The following ZNF407 variants were observed in gnomAD, a reference collection of about 807,000 sequenced individuals.
ZNF407 encodes the protein zinc finger protein 407.
ZNF407 carries 17 observed loss-of-function variants against 131.2 expected under a neutral mutation model. The observed-to-expected ratio is 0.13, with a 90% CI of 0.09 to 0.19. The LOEUF is 0.19. Ranked by LOEUF, ZNF407 falls within the 10% of genes least tolerant of loss-of-function variation. The pLI, the probability that ZNF407 is intolerant of heterozygous loss-of-function variation, is 1.00. For missense variants in ZNF407, 2,681 were observed against 2,830.6 expected, an observed-to-expected ratio of 0.95 and a Z score of 1.20; for synonymous variants, 1,156 against 1,062.0, an observed-to-expected ratio of 1.09 and a Z score of -1.72.
At chr18:75,031,922 G>T (rs1973244765) in intron 8 of ZNF407, among the ~76,000 whole-genome samples, 1 of 152,192 alleles carries the variant, frequency 6.6e-6, no homozygotes, top group Admixed American at 6.5e-5. Flanking sequence ...TTTAGCAGCT[G>T]ATCCAGGAAA....
intron 8 of ZNF407, among the ~76,000 whole-genome samples, chr18:75,036,650 A>G (rs1311473212): frequency 2.6e-5 from 4 of 152,254 alleles, no homozygotes; most frequent in South Asian, 2.1e-4. Context: ...TAGGCATGCA[A>G]TGTACAAAAA....
Position 75,064,204 on chromosome 18 carries a change from C to T in ZNF407, c.6483C>T (p.Gly2161=), listed in dbSNP as rs200244471. 1.8e-4 allele frequency: 287 copies of T among 1,604,468 alleles called. 1 individual carries two copies. In the African/African-American group the frequency reaches 2.0e-3, roughly 11 times the overall value. The change falls in exon 9 of 9, where the codon GGC becomes GGT. Residue 2161 remains glycine, a synonymous_variant. Coordinates refer to ENST00000299687, the MANE Select transcript of ZNF407 (RefSeq NM_017757.3). ...LVQAMVQESS[G]GFSEGTTHYI... Reference sequence around the variant, plus strand: ...AGGCCATGGTGCAGGAGTCCAGTGGCGGCTTCTCCGAGGGCACCACGCACT... The same window carrying T: ...AGGCCATGGTGCAGGAGTCCAGTGGTGGCTTCTCCGAGGGCACCACGCACT...
chr18:74,952,010 T>C (rs1254307909), intron 8 of ZNF407, among the ~76,000 whole-genome samples: 1 of 152,186 alleles, frequency 6.6e-6, no homozygotes, highest in Non-Finnish European at 1.5e-5. Context: ...CACAGCTCTA[T>C]GAAGTATTGC....
chr18:74,958,542 C>T (rs139160169), intron 8 of ZNF407, among the ~76,000 whole-genome samples: 218 of 150,760 alleles, frequency 1.4e-3, no homozygotes, highest in African/African-American at 5.3e-3. Context: ...TTGGCCATGA[C>T]GAGGAGCTGG....
intron 3 of ZNF407, among the ~76,000 whole-genome samples, chr18:74,761,486 G>A (rs957975581): frequency 6.6e-6 from 1 of 152,044 alleles, no homozygotes; most frequent in African/African-American, 2.4e-5. Flanking sequence ...GATATTACAA[G>A]ATGTAAAAGT....
At chr18:74,705,657 G>A (rs1166212588) in intron 3 of ZNF407, among the ~76,000 whole-genome samples, 1 of 152,080 alleles carries the variant, frequency 6.6e-6, no homozygotes, top group Non-Finnish European at 1.5e-5. Flanking sequence ...GATGAAATTG[G>A]ATTTTTTGTC....
intron 8 of ZNF407, among the ~76,000 whole-genome samples, chr18:74,965,328 A>G (rs1972397822): frequency 6.6e-6 from 1 of 152,038 alleles, no homozygotes; most frequent in African/African-American, 2.4e-5. Context: ...GCCCCAGGTA[A>G]CCATCATTCT....
In ZNF407 at chr18:75,031,436, C is replaced by T. The variant is rs548384262; in HGVS notation, c.5429-31714C>T. ...ATGGGTCTTTTTTTTATGTAAAGGACATTGATAGTCTTTAGAGTGTGAGGA... is the reference window on the plus strand; with the variant it reads ...ATGGGTCTTTTTTTTATGTAAAGGATATTGATAGTCTTTAGAGTGTGAGGA... On this transcript the variant is annotated intron_variant, in intron 8 of 8. Transcript: ENST00000299687. Among the ~76,000 whole-genome samples, 4 of 152,172 alleles carry T rather than the reference C, an allele frequency of 2.6e-5. No individual in the cohort carries two copies. In the East Asian group the frequency reaches 7.7e-4, roughly 29 times the overall value.
At chr18:75,013,802 C>T (rs1176104028) in intron 8 of ZNF407, among the ~76,000 whole-genome samples, 2 of 152,100 alleles carry the variant, frequency 1.3e-5, no homozygotes, top group African/African-American at 4.8e-5. Context: ...AGCAAGTGTA[C>T]TGCTTGCCTT....
rs139206223 is a variant in ZNF407 at position 74,783,796 on chromosome 18, A to G, written c.4877+2294A>G. 3.8e-3 allele frequency among the ~76,000 whole-genome samples: 584 copies of G among 152,300 alleles called. 3 individuals are homozygous for G. The highest frequency in any genetic ancestry group is 0.014 in the African/African-American group (571 of 41,554). On this transcript the variant is annotated intron_variant, in intron 4 of 8. Transcript: ENST00000299687. ...GGATCAGTACCTTTTAAGTACTTCA[A>G]GCAGCAACATTCTTCTAAACCAAAC...
chr18:74,604,040 G>A (rs911734346), intron 1 of ZNF407, among the ~76,000 whole-genome samples: 8 of 152,158 alleles, frequency 5.3e-5, no homozygotes, highest in African/African-American at 1.7e-4. Flanking sequence ...TAGGGGTCTG[G>A]TACCTACAGA....
chr18:74,806,998 G>A (rs746251166), intron 4 of ZNF407, among the ~76,000 whole-genome samples: 14 of 152,218 alleles, frequency 9.2e-5, no homozygotes, highest in Non-Finnish European at 1.9e-4. Context: ...TGTTATGGCA[G>A]AACTGGAAAG....
intron 1 of ZNF407, among the ~76,000 whole-genome samples, chr18:74,613,564 C>G (rs1451225662): frequency 6.6e-6 from 1 of 152,208 alleles, no homozygotes; most frequent in Admixed American, 6.5e-5. Context: ...CCATGAGACT[C>G]CTTCTGTGGC....
intron 4 of ZNF407, among the ~76,000 whole-genome samples, chr18:74,840,375 T>G (rs1970615645): frequency 6.6e-6 from 1 of 151,984 alleles, no homozygotes; most frequent in Non-Finnish European, 1.5e-5. Flanking sequence ...AGCCAGACCT[T>G]TCTCCCAATC....
chr18:74,944,783 G>C (rs1399954612), intron 8 of ZNF407, among the ~76,000 whole-genome samples: 2 of 152,200 alleles, frequency 1.3e-5, no homozygotes, highest in Admixed American at 6.5e-5. Flanking sequence ...AGCAGAGAAG[G>C]GGGGAAGCCT....
chr18:75,063,932 C>T lies in ZNF407; in HGVS notation c.6211C>T (p.Arg2071Trp), dbSNP rs1325541774. ...HPSAAMASQE[R>W]AQVAFKKMVQ... Reference sequence around the variant, plus strand: ...CTCAGCAGCCATGGCCTCTCAGGAGCGGGCACAGGTGGCCTTCAAGAAGAT... The same window carrying T: ...CTCAGCAGCCATGGCCTCTCAGGAGTGGGCACAGGTGGCCTTCAAGAAGAT... Residue 2071 changes from arginine to tryptophan, a missense_variant, in exon 9 of 9, where the codon CGG becomes TGG. Transcript: ENST00000299687. The surrounding 1 kb of genome is among the most constrained non-coding windows in gnomAD (Gnocchi z 6.6). 1.2e-5 allele frequency: 19 copies of T among 1,613,664 alleles called. No individual in the cohort carries two copies. The highest frequency in any genetic ancestry group is 8.9e-5 in the East Asian group (4 of 44,824).
At chr18:74,860,208 G>T (rs1458138179) in intron 4 of ZNF407, among the ~76,000 whole-genome samples, 4 of 151,894 alleles carry the variant, frequency 2.6e-5, no homozygotes, top group Non-Finnish European at 5.9e-5. Flanking sequence ...CCAGAAGGAG[G>T]ATCCCTTGAG....
intron 8 of ZNF407, among the ~76,000 whole-genome samples, chr18:74,926,298 A>G (rs1012269888): frequency 6.6e-6 from 1 of 152,150 alleles, no homozygotes; most frequent in African/African-American, 2.4e-5. Flanking sequence ...ATACTTCATA[A>G]TCTATGAGTG....
chr18:74,777,447 A>C lies in ZNF407; in HGVS notation c.4803-3981A>C, dbSNP rs114582319. 4.6e-3 allele frequency among the ~76,000 whole-genome samples: 698 copies of C among 152,292 alleles called. 6 individuals carry two copies. Among genetic ancestry groups the C allele is most frequent in the African/African-American group, 0.016 (669 of 41,546 alleles). On this transcript the variant is annotated intron_variant, in intron 3 of 8. Transcript: ENST00000299687. ...TCTAGCATGGATCTTGGCCTCAAGC[A>C]GTAGAGTTGGCCTCCTGTTCCACGG...
Sources: allele counts gnomAD v4.1 joint callset (sites outside exome capture counted in the v4.1 genomes callset), GRCh38; gene constraint gnomAD v4.1.1; non-coding constraint Gnocchi (gnomAD v3.1); transcripts MANE v1.5; gene names NCBI Gene and HGNC (gene_info 2026-07-23, HGNC 2026-07-21).